CLGN: variants seen among roughly 807,000 people sequenced by gnomAD.
The protein encoded by CLGN is calmegin.
CLGN carries 62 observed loss-of-function variants against 79.1 expected under a neutral mutation model. The observed-to-expected ratio is 0.78, with a 90% confidence interval of 0.64 to 0.97. The LOEUF (loss-of-function observed/expected upper bound fraction) is 0.97. Among genes scored for constraint, CLGN ranks in the 50% least tolerant of loss-of-function variants. The pLI is 0.00. For synonymous variants in CLGN, 225 were observed against 224.7 expected (o/e 1.00, Z -0.01); for missense variants, 647 against 715.5 (o/e 0.90, Z 1.09).
chr4:140,401,111 C>T (rs1490635836), intron 6 of CLGN, among the ~76,000 whole-genome samples: 1 of 152,130 alleles, frequency 6.6e-6, no homozygotes, highest in Non-Finnish European at 1.5e-5. Flanking sequence ...GTCACCCTGA[C>T]TCAAATTTTT....
Position 140,400,369 on chromosome 4 carries a change from G to A in CLGN, c.682C>T (p.Leu228Phe), listed in dbSNP as rs1332665150. 1 of 1,607,836 alleles carries A rather than the reference G, an allele frequency of 6.2e-7. No individual in the cohort carries two copies. The highest frequency in any genetic ancestry group is 2.2e-5 in the East Asian group (1 of 44,744). Residue 228 changes from leucine (L) to phenylalanine (F), a missense_variant, in exon 7 of 15, where the codon CTT (leucine) becomes TTT (phenylalanine). Leu to Phe is a conservative substitution (Grantham distance 22, BLOSUM62 0). Transcript: ENST00000325617. ...TAAAAGGGTATACCAAGGGTATAAA[G>A]ATGAGTCTTCCTGTCTGTAAAGAAC... is the stretch of plus-strand genomic sequence containing the variant. ...KKFFTDRKTH[L>F]YTLVMNPDDT...
In CLGN at chr4:140,420,554, T is replaced by TA. The variant is rs397878452; in HGVS notation, c.-10+6982dup. On this transcript the variant is annotated intron_variant, in intron 1 of 14. Transcript: ENST00000325617. ...TATTGTTTTTATTTGTTCTTTTTTT[T>TA]AAAAAAAAAAATCAGAAATACAGAC... is the stretch of plus-strand genomic sequence containing the variant. Among the ~76,000 whole-genome samples, 475 of 150,836 alleles carry TA rather than the reference T, an allele frequency of 3.1e-3. 3 individuals carry two copies. The highest frequency in any genetic ancestry group is 8.0e-3 in the African/African-American group (330 of 41,068).
intron 6 of CLGN, among the ~76,000 whole-genome samples, chr4:140,400,983 A>T (rs1012389000): frequency 6.6e-6 from 1 of 152,106 alleles, no homozygotes; most frequent in African/African-American, 2.4e-5. Context: ...CAGACATAAA[A>T]ACAGACACGA....
intron 5 of CLGN, among the ~76,000 whole-genome samples, chr4:140,405,285 CG>C (rs1313824011): frequency 9.6e-5 from 14 of 146,456 alleles, no homozygotes; most frequent in Non-Finnish European, 1.7e-4. Flanking sequence ...CCCGGGTTCA[CG>C]CCATTCTCCT....
intron 6 of CLGN, 89 bp downstream of exon 6, chr4:140,401,896 T>C (rs981023751): frequency 2.9e-5 from 21 of 720,574 alleles, no homozygotes; most frequent in Non-Finnish European, 4.3e-5. Context: ...TCAATTTCAG[T>C]TGAAGACAAA....
At chr4:140,419,261 A>C (rs1175913184) in intron 1 of CLGN, among the ~76,000 whole-genome samples, 1 of 152,138 alleles carries the variant, frequency 6.6e-6, no homozygotes. Flanking sequence ...CTAGATAACG[A>C]GTTAGTGGGT....
intron 3 of CLGN, 130 bp from the exon 4 acceptor site, chr4:140,410,025 C>T (rs905203371): frequency 2.1e-5 from 12 of 570,454 alleles, no homozygotes; most frequent in African/African-American, 2.0e-4. Context: ...TAAATTCATA[C>T]TTAGATGCTA....
At chr4:140,390,806 T>C (rs358329) in intron 13 of CLGN, 78 bp from the exon 14 acceptor site, 688,540 of 822,540 alleles carry the variant, frequency 0.84, 288,888 homozygotes, top group Non-Finnish European at 0.85. Context: ...ATACAATAAA[T>C]GGGATTTATT....
At chr4:140,421,942 C>T (rs958559813) in intron 1 of CLGN, among the ~76,000 whole-genome samples, 8 of 152,020 alleles carry the variant, frequency 5.3e-5, no homozygotes, top group Admixed American at 3.3e-4. Context: ...CAATCCATTT[C>T]GAGTTAATTT....
chr4:140,393,930 CA>C lies in CLGN; in HGVS notation c.1260del (p.Asp421IlefsTer15). 1 of 1,613,732 alleles carries C rather than the reference CA, an allele frequency of 6.2e-7. No individual in the cohort carries two copies. The highest frequency in any genetic ancestry group is 8.5e-7 in the Non-Finnish European group (1 of 1,179,786). On this transcript the variant is annotated frameshift_variant, in exon 11 of 15. Transcript: ENST00000325617. LOFTEE classifies it high-confidence loss of function. ...ALGLELWSMT[S>X]DIYFDNFIIC... Reference sequence around the variant, plus strand: ...ATAATAAAATTATCAAAGTAGATATCAGAGGTCATAGACCAAAGCTCTAAAC... The same window carrying C: ...ATAATAAAATTATCAAAGTAGATATCGAGGTCATAGACCAAAGCTCTAAAC...
chr4:140,424,983 C>CT (rs1204060288), intron 1 of CLGN, among the ~76,000 whole-genome samples: 1 of 152,214 alleles, frequency 6.6e-6, no homozygotes, highest in Admixed American at 6.5e-5. Context: ...TGGATCTCCA[C>CT]TACCACCCCC....
chr4:140,425,771 GGC>G (rs1729556143), intron 1 of CLGN, among the ~76,000 whole-genome samples: 3 of 151,496 alleles, frequency 2.0e-5, no homozygotes, highest in Admixed American at 2.0e-4. Flanking sequence ...TGGGATTATA[GGC>G]GCGCGCCACT....
intron 1 of CLGN, among the ~76,000 whole-genome samples, chr4:140,419,811 A>G (rs1368372846): frequency 6.6e-6 from 1 of 152,150 alleles, no homozygotes; most frequent in Non-Finnish European, 1.5e-5. Flanking sequence ...CTGGGATAGG[A>G]AGTAAATGTA....
chr4:140,389,402 TATCA>T, intron 14 of CLGN, 98 bp from the exon 15 acceptor site: 1 of 870,418 alleles, frequency 1.1e-6, no homozygotes, highest in Non-Finnish European at 1.8e-6. Context: ...ATATATGTGC[TATCA>T]ATCAAGTGCT....
intron 8 of CLGN, among the ~76,000 whole-genome samples, chr4:140,397,340 C>T (rs1438843330): frequency 6.6e-6 from 1 of 152,016 alleles, no homozygotes; most frequent in Non-Finnish European, 1.5e-5. Context: ...AAGTGATACA[C>T]AAAAACTATT....
chr4:140,397,563 A>C (rs1728916021), intron 8 of CLGN, among the ~76,000 whole-genome samples: 1 of 152,044 alleles, frequency 6.6e-6, no homozygotes, highest in Non-Finnish European at 1.5e-5. Flanking sequence ...TCCCTATTCC[A>C]ATATAATTTT....
At chr4:140,409,940 G>T (rs2126627550) in intron 3 of CLGN, 45 bp from the exon 4 acceptor site, 1 of 1,361,928 alleles carries the variant, frequency 7.3e-7, no homozygotes, top group Non-Finnish European at 1.0e-6. Context: ...GACAATAAAA[G>T]CAGCAATTTA....
At chr4:140,394,585 T>G (rs951513989) in intron 10 of CLGN, among the ~76,000 whole-genome samples, 3 of 152,224 alleles carry the variant, frequency 2.0e-5, no homozygotes, top group African/African-American at 7.2e-5. Flanking sequence ...CACCATCACA[T>G]GTATGTATTC....
chr4:140,399,435 C>T (rs774381887), intron 7 of CLGN, among the ~76,000 whole-genome samples: 8 of 152,102 alleles, frequency 5.3e-5, no homozygotes, highest in Non-Finnish European at 8.8e-5. Context: ...TTATTCTGTT[C>T]TAGTAATATT....
Sources: gnomAD v4.1 joint callset for allele counts (sites outside exome capture counted in the v4.1 genomes callset) on GRCh38, gnomAD v4.1.1 for gene constraint, MANE v1.5 for transcripts, NCBI Gene and HGNC (gene_info 2026-07-23, HGNC 2026-07-21) for gene names.